The following SPTBN2 variants were observed in gnomAD, a reference collection of about 807,000 sequenced individuals.
SPTBN2 encodes the protein spectrin beta chain, non-erythrocytic 2.
SPTBN2 carries 107 observed loss-of-function variants against 284.2 expected under a neutral mutation model. The observed-to-expected ratio is 0.38, with a 90% CI of 0.32 to 0.44. SPTBN2 has a LOEUF of 0.44. SPTBN2 is among the 20% of genes least tolerant of loss of function. The pLI is 1.00. For missense variants in SPTBN2, 2,569 were observed against 3,287.1 expected (o/e 0.78, Z 5.34); for synonymous variants, 1,289 against 1,354.8 (o/e 0.95, Z 1.07).
At position 66,708,446 on chromosome 11, in the gene SPTBN2, A is replaced by G. The variant is rs932553829; in HGVS notation, c.1192-147T>C. 2 of 826,880 alleles carry G rather than the reference A, an allele frequency of 2.4e-6. No homozygotes were observed. The highest frequency in any genetic ancestry group is 3.4e-5 in the African/African-American group (2 of 57,998). 51.2% of individuals were successfully genotyped at this position (826,880 alleles called of 1,614,324 possible). A position where few individuals can be genotyped will look rare whatever the true frequency, so the allele number is the denominator to read the frequency against. On this transcript the variant is annotated intron_variant, in intron 11 of 37. Transcript: ENST00000533211. The surrounding 1 kb of genome is among the most constrained non-coding windows in gnomAD (Gnocchi z 4.4). Reference sequence around the variant, plus strand: ...ACGCCTGGGCGTGGAAACAGGAAACAGGGCAGCGCTGGGAGTCTGTGAAGC... The same window carrying G: ...ACGCCTGGGCGTGGAAACAGGAAACGGGGCAGCGCTGGGAGTCTGTGAAGC...
chr11:66,736,973 A>C (rs1942854993), intron 1 of SPTBN2, among the ~76,000 whole-genome samples: 1 of 152,244 alleles, frequency 6.6e-6, no homozygotes, highest in Non-Finnish European at 1.5e-5. Context: ...AACTTGGACA[A>C]GGTATTTAAC....
At position 66,705,750 on chromosome 11, in the gene SPTBN2, C is replaced by T. The variant is rs1166379815; in HGVS notation, c.1741G>A (p.Ala581Thr). 12 of 1,612,588 alleles carry T rather than the reference C, an allele frequency of 7.4e-6. No homozygotes were observed. Among genetic ancestry groups the T allele is most frequent in the East Asian group, 4.5e-5 (2 of 44,878 alleles). Reference sequence around the variant, plus strand: ...GCCCGCACCCTCTCGGCCTGCACGGCGATGTCTGCCTCCACCAGCTCGTGC... The same window carrying T: ...GCCCGCACCCTCTCGGCCTGCACGGTGATGTCTGCCTCCACCAGCTCGTGC... ...QLHELVEADI[A>T]VQAERVRAVS... Residue 581 changes from alanine to threonine, a missense_variant, in exon 14 of 38, where the codon GCC becomes ACC. By Grantham distance (58) the Ala-to-Thr change is moderately conservative. Transcript: ENST00000533211.
rs1940563476 is a variant in SPTBN2, at chr11:66,691,705, T to C, written c.5191-47A>G. On this transcript the variant is annotated intron_variant, in intron 26 of 37. Transcript: ENST00000533211. The surrounding 1 kb of genome is among the most constrained non-coding windows in gnomAD (Gnocchi z 8.0). ...CAGACCATGCCGTGATGTTAGGGGA[T>C]GTGGTCCCTGCCTGATGGAGCGAGT... The C allele has an allele frequency of 6.2e-7, 1 of 1,611,210 alleles. No individual in the cohort carries two copies. Among genetic ancestry groups the C allele is most frequent in the South Asian group, 1.1e-5 (1 of 91,060 alleles).
At chr11:66,696,256 C>A in intron 21 of SPTBN2, 21 bp downstream of exon 21, 1 of 1,608,542 alleles carries the variant, frequency 6.2e-7, no homozygotes, top group South Asian at 1.1e-5. Context: ...TCACCATCCC[C>A]ATCAAAGGCC....
chr11:66,726,759 T>C (rs1035793179), intron 1 of SPTBN2, among the ~76,000 whole-genome samples: 2 of 152,136 alleles, frequency 1.3e-5, no homozygotes, highest in Non-Finnish European at 2.9e-5. Flanking sequence ...GTTGAACAAA[T>C]GACAGTGAGA....
chr11:66,708,959 G>T lies in SPTBN2; in HGVS notation c.1134C>A (p.Ala378=). Residue 378 remains alanine (A), a synonymous_variant, in exon 11 of 38, where the codon GCC becomes GCA. Transcript: ENST00000533211. This position sits in a 1 kb window ranked among gnomAD's most constrained non-coding sequence, Gnocchi z 4.4. The stretch of plus-strand genomic sequence containing the variant: ...GGGGCGTGTAGACCTTCTGGTTGTT[G>T]GCCCGAAGCTTGCTCTGGATGGTGA... ...LLFTIQSKLR[A]NNQKVYTPRE... 1.2e-6 allele frequency: 2 copies of T among 1,613,902 alleles called. No individual in the cohort carries two copies. Among genetic ancestry groups the T allele is most frequent in the Non-Finnish European group, 1.7e-6 (2 of 1,179,938 alleles).
In SPTBN2 at chr11:66,689,127, C is replaced by T. The variant is rs1565112284; in HGVS notation, c.6003G>A (p.Lys2001=). Residue 2001 remains lysine (K), a synonymous_variant, in exon 30 of 38, where the codon AAG becomes AAA. Transcript: ENST00000533211. ...LQARRQETAE[K]WQEKMDWLQL... The stretch of plus-strand genomic sequence containing the variant: ...GAAGCCAGTCCATCTTCTCCTGCCA[C>T]TTCTCAGCTGTCTCCTGGCGCCGTG... 1 of 1,610,882 alleles carries T rather than the reference C, an allele frequency of 6.2e-7. No homozygotes were observed. Among genetic ancestry groups the T allele is most frequent in the Non-Finnish European group, 8.5e-7 (1 of 1,178,500 alleles).
At position 66,701,628 on chromosome 11, in the gene SPTBN2, TG is replaced by T; in HGVS notation, c.2771del (p.Pro924GlnfsTer35). On this transcript the variant is annotated frameshift_variant, in exon 16 of 38. Coordinates refer to ENST00000533211, the MANE Select transcript of SPTBN2 (RefSeq NM_006946.4). LOFTEE classifies it high-confidence loss of function. ...GGGTGTTGACAATGCGGTCTTTGCC[TG>T]GGGGGTTGGCCTTCAGTAACTGCTC... ...IAEQLLKANP[P>X]GKDRIVNTQE... 1.2e-6 allele frequency: 2 copies of T among 1,614,108 alleles called. No homozygotes were observed. The highest frequency in any genetic ancestry group is 8.5e-7 in the Non-Finnish European group (1 of 1,180,032).
chr11:66,694,665 G>A (rs1463909117), intron 21 of SPTBN2, among the ~76,000 whole-genome samples: 2 of 152,194 alleles, frequency 1.3e-5, no homozygotes, highest in Non-Finnish European at 2.9e-5. Flanking sequence ...ACCCACACCC[G>A]CGAATCTAAA....
intron 8 of SPTBN2, chr11:66,712,717 A>G (rs1431449678): frequency 2.0e-5 from 3 of 152,190 alleles, no homozygotes; most frequent in African/African-American, 7.2e-5. Context: ...GTTTTAAAAA[A>G]ATAGAGATGG....
rs377573278 is a variant in SPTBN2, at chr11:66,721,187, C to T, written c.54G>A (p.Gln18=). Residue 18 remains glutamine (Q), a synonymous_variant, in exon 3 of 38, where the codon CAG becomes CAA. Transcript: ENST00000533211. ...TDFDSLEIQG[Q]YSDINNRWDL... ...CCCAGCGGTTGTTGATGTCACTGTA[C>T]TGGCCCTGGATTTCCAAGCTGTCAA... 19 of 1,614,094 alleles carry T rather than the reference C, an allele frequency of 1.2e-5. No individual in the cohort carries two copies. The highest frequency in any genetic ancestry group is 1.7e-6 in the Non-Finnish European group (2 of 1,180,050).
At chr11:66,686,936 T>C in intron 36 of SPTBN2, 58 bp downstream of exon 36, 12 of 1,607,520 alleles carry the variant, frequency 7.5e-6, no homozygotes, top group Non-Finnish European at 9.3e-6. Flanking sequence ...GACTCATGGC[T>C]CACCTGTGTC....
At chr11:66,711,209 C>T (rs1041201699) in intron 8 of SPTBN2, among the ~76,000 whole-genome samples, 180 bp from the exon 9 acceptor site, 1 of 152,034 alleles carries the variant, frequency 6.6e-6, no homozygotes, top group Non-Finnish European at 1.5e-5. Context: ...ATCTTTTTTT[C>T]CCCTTCTCCT....
rs2135363254 is a variant in SPTBN2 at position 66,693,639 on chromosome 11, A to G, written c.4593+133T>C. 7.8e-7 allele frequency: 1 copy of G among 1,285,430 alleles called. No homozygotes were observed. Among genetic ancestry groups the G allele is most frequent in the Non-Finnish European group, 1.1e-6 (1 of 917,064 alleles). 79.6% of individuals were successfully genotyped at this position (1,285,430 alleles called of 1,614,324 possible). On this transcript the variant is annotated intron_variant, in intron 23 of 37. Coordinates refer to ENST00000533211, the MANE Select transcript of SPTBN2 (RefSeq NM_006946.4). This position sits in a 1 kb window ranked among gnomAD's most constrained non-coding sequence, Gnocchi z 5.7. ...TCCTACTGAGAGGACCCACCCTCCC[A>G]AGGTGAGGAAAGACAGCCACTGAAG...
intron 10 of SPTBN2, 115 bp from the exon 11 acceptor site, chr11:66,709,134 A>G: frequency 1.2e-6 from 1 of 849,546 alleles, no homozygotes; most frequent in Non-Finnish European, 2.0e-6. Flanking sequence ...AGCAATATAA[A>G]CTTTTTATGT....
Position 66,694,238 on chromosome 11 carries a change from C to T in SPTBN2, c.4404G>A (p.Glu1468=). ...TGGGCTGGCACAAGGCCCTGAACTT[C>T]TCCTCCACGGCCCTCGAGGTTCTCT... ...EVERTSRAVE[E]KFRALCQPMR... Residue 1468 remains glutamate, a synonymous_variant, in exon 22 of 38, where the codon GAG becomes GAA. Coordinates refer to ENST00000533211, the MANE Select transcript of SPTBN2 (RefSeq NM_006946.4). 1 of 1,614,136 alleles carries T rather than the reference C, an allele frequency of 6.2e-7. No individual in the cohort carries two copies. The highest frequency in any genetic ancestry group is 8.5e-7 in the Non-Finnish European group (1 of 1,180,036).
rs149547522 is a variant in SPTBN2, at chr11:66,714,264, A to T, written c.575+52T>A. The T allele has an allele frequency of 4.4e-6, 7 of 1,607,446 alleles. No homozygotes were observed. In the African/African-American group the frequency reaches 8.0e-5, roughly 18 times the overall value. On this transcript the variant is annotated intron_variant, in intron 6 of 37. Transcript: ENST00000533211. Reference sequence around the variant, plus strand: ...CAGCTCATGGTTCCTGGAGCCCAGCACAGCCTGGGGGTCACTGACCCTCCA... The same window carrying T: ...CAGCTCATGGTTCCTGGAGCCCAGCTCAGCCTGGGGGTCACTGACCCTCCA...
intron 21 of SPTBN2, among the ~76,000 whole-genome samples, chr11:66,694,774 C>T (rs942615944): frequency 3.1e-4 from 47 of 152,238 alleles, no homozygotes; most frequent in African/African-American, 1.0e-3. Context: ...CTTTGAGACA[C>T]TGGAACTGGC....
intron 1 of SPTBN2, among the ~76,000 whole-genome samples, chr11:66,739,715 C>T (rs1942880941): frequency 6.6e-6 from 1 of 152,162 alleles, no homozygotes; most frequent in Non-Finnish European, 1.5e-5. Flanking sequence ...AAATCCAGCC[C>T]TACTTAGAGA....
Sources: gnomAD v4.1 joint callset for allele counts (sites outside exome capture counted in the v4.1 genomes callset) on GRCh38, gnomAD v4.1.1 for gene constraint, Gnocchi (gnomAD v3.1) non-coding constraint, MANE v1.5 for transcripts, NCBI Gene and HGNC (gene_info 2026-07-23, HGNC 2026-07-21) for gene names.